Variants in IL34 observed in about 807,000 individuals in gnomAD.
IL34 encodes interleukin-34.
Under a neutral mutation model 25.3 loss-of-function variants are expected in IL34, and 17 were observed. The observed-to-expected ratio is 0.67, with a 90% confidence interval of 0.46 to 1.01. The LOEUF is 1.01. Among genes scored for constraint, IL34 ranks in the 50% least tolerant of loss-of-function variants. IL34 has a pLI of 0.00. For missense variants in IL34, 368 were observed against 312.9 expected, an observed-to-expected ratio of 1.18 and a Z score of -1.33; for synonymous variants, 174 against 140.9, an observed-to-expected ratio of 1.23 and a Z score of -1.66.
chr16:70,660,065 C>T lies in IL34; in HGVS notation c.607C>T (p.Pro203Ser), dbSNP rs1271052047. 5 of 1,613,568 alleles carry T rather than the reference C, an allele frequency of 3.1e-6. No homozygotes were observed. Among genetic ancestry groups the T allele is most frequent in the Non-Finnish European group, 4.2e-6 (5 of 1,179,846 alleles). ...VPSPQSCSPE[P>S]SLQYAATQLY... ...AAGTCCTCAGTCTTGCAGCCCAGAG[C>T]CCTCATTGCAGTATGCGGCCACCCA... The change falls in exon 6 of 6, where the codon CCC becomes TCC. Residue 203 changes from proline to serine, a missense_variant. Transcript: ENST00000288098.
At chr16:70,647,345 G>T (rs1329663633) in intron 1 of IL34, among the ~76,000 whole-genome samples, 3 of 152,194 alleles carry the variant, frequency 2.0e-5, no homozygotes, top group African/African-American at 7.2e-5. Context: ...GGGGGCAGGG[G>T]CTGGTGAAAG....
At chr16:70,632,630 G>T (rs922436586) in intron 1 of IL34, among the ~76,000 whole-genome samples, 1 of 152,166 alleles carries the variant, frequency 6.6e-6, no homozygotes, top group African/African-American at 2.4e-5. Flanking sequence ...GTGGGTCTCT[G>T]GGGTGGTGCT....
intron 1 of IL34, among the ~76,000 whole-genome samples, chr16:70,604,920 GTGTGTGTGTGCATGTC>G (rs541509982): frequency 0.01 from 1,586 of 152,168 alleles, 18 homozygotes; most frequent in Middle Eastern, 0.02. Context: ...GTGTGTGCAT[GTGTGTGTGTGCATGTC>G]TGTGTGTGTG....
At chr16:70,617,855 T>C (rs1265035175) in intron 1 of IL34, among the ~76,000 whole-genome samples, 33 of 151,642 alleles carry the variant, frequency 2.2e-4, no homozygotes, top group African/African-American at 7.8e-4. Flanking sequence ...AGGAATTATG[T>C]CTGACAGAAG....
chr16:70,644,862 G>GGAA (rs1567460822), upstream of IL34, among the ~76,000 whole-genome samples: 1 of 123,702 alleles, frequency 8.1e-6, no homozygotes, highest in African/African-American at 4.8e-5. Flanking sequence ...AGGAGGAAGA[G>GGAA]GAGGAAGTAG....
intron 1 of IL34, among the ~76,000 whole-genome samples, chr16:70,612,629 A>G (rs564809829): frequency 6.6e-6 from 1 of 152,374 alleles, no homozygotes; most frequent in African/African-American, 2.4e-5. Context: ...GTTAACCCAC[A>G]TCAATCTCTA....
At chr16:70,638,654 C>G (rs2051711801) in intron 1 of IL34, among the ~76,000 whole-genome samples, 1 of 152,082 alleles carries the variant, frequency 6.6e-6, no homozygotes, top group Admixed American at 6.6e-5. Flanking sequence ...GCTGGTCTTT[C>G]TGTGTCAGCC....
rs1281824176 is a variant in IL34, at chr16:70,660,394, A to AGGGGACCT, written c.*217_*224dup. On this transcript the variant is annotated 3_prime_UTR_variant, in exon 6 of 6. Transcript: ENST00000288098. Reference sequence around the variant, plus strand: ...GCTGTCATGGCCTCACCTGGAGCGGAGGGGACCTGGGGACCTGAAGGTGGA... The same window carrying AGGGGACCT: ...GCTGTCATGGCCTCACCTGGAGCGGAGGGGACCTGGGGACCTGGGGACCTGAAGGTGGA... The AGGGGACCT allele has an allele frequency of 9.8e-6, 5 of 510,570 alleles. No individual in the cohort carries two copies. The highest frequency in any genetic ancestry group is 1.7e-5 in the Non-Finnish European group (5 of 296,792). The allele number at this position is 510,570 out of a possible 1,614,324, so 31.6% of individuals were successfully genotyped here.
chr16:70,592,026 A>G (rs1482365593), intron 1 of IL34, among the ~76,000 whole-genome samples: 3 of 149,086 alleles, frequency 2.0e-5, no homozygotes, highest in African/African-American at 7.3e-5. Flanking sequence ...GGTCTCCTCC[A>G]GGGTTCCACA....
intron 1 of IL34, among the ~76,000 whole-genome samples, chr16:70,609,262 A>G (rs1278465753): frequency 6.6e-6 from 1 of 152,064 alleles, no homozygotes; most frequent in East Asian, 1.9e-4. Flanking sequence ...CATATTTAGT[A>G]GAGACGGGGT....
chr16:70,638,294 T>C (rs1458765674), intron 1 of IL34, among the ~76,000 whole-genome samples: 1 of 152,068 alleles, frequency 6.6e-6, no homozygotes. Flanking sequence ...CTGGGCAACT[T>C]AGCAAGACCT....
At chr16:70,643,118 A>G (rs563963970), upstream of IL34, among the ~76,000 whole-genome samples, 7 of 152,166 alleles carry the variant, frequency 4.6e-5, no homozygotes, top group Non-Finnish European at 8.8e-5. Flanking sequence ...GCTGGAGTGC[A>G]GTGGGACTAC....
At chr16:70,631,076 G>A (rs911070289) in intron 1 of IL34, among the ~76,000 whole-genome samples, 1 of 152,252 alleles carries the variant, frequency 6.6e-6, no homozygotes, top group Admixed American at 6.5e-5. Flanking sequence ...GGTTGAAACT[G>A]AAGATGCAAA....
intron 1 of IL34, among the ~76,000 whole-genome samples, chr16:70,591,976 G>A (rs1427776534): frequency 6.6e-6 from 1 of 151,984 alleles, no homozygotes; most frequent in Non-Finnish European, 1.5e-5. Context: ...CCTGGGTGGG[G>A]GCCCTGGTAG....
At chr16:70,623,870 G>T (rs1215046371) in intron 1 of IL34, among the ~76,000 whole-genome samples, 1 of 150,706 alleles carries the variant, frequency 6.6e-6, no homozygotes, top group East Asian at 1.9e-4. Context: ...TAGAAGCCTG[G>T]CCGTCAATAC....
intron 1 of IL34, among the ~76,000 whole-genome samples, chr16:70,611,023 G>C (rs1371957704): frequency 2.6e-5 from 4 of 152,102 alleles, no homozygotes; most frequent in African/African-American, 7.2e-5. Flanking sequence ...GCCCAGGCCG[G>C]AGCACAGTGG....
chr16:70,597,832 T>G (rs915778072), intron 1 of IL34, among the ~76,000 whole-genome samples: 32 of 152,138 alleles, frequency 2.1e-4, no homozygotes, highest in African/African-American at 7.5e-4. Flanking sequence ...GCCCAGGCCC[T>G]GGAGATGCAG....
chr16:70,599,718 A>G (rs1191484776), intron 1 of IL34, among the ~76,000 whole-genome samples: 1 of 142,062 alleles, frequency 7.0e-6, no homozygotes, highest in Admixed American at 7.4e-5. Context: ...TTTGTCGCCC[A>G]GGATAGAGTA....
At chr16:70,649,079 C>A (rs781624692) in intron 1 of IL34, among the ~76,000 whole-genome samples, 1 of 152,132 alleles carries the variant, frequency 6.6e-6, no homozygotes, top group Admixed American at 6.5e-5. Context: ...TTTAATAATG[C>A]CTGTAAGTGG....
Sources: gnomAD v4.1 joint callset for allele counts (sites outside exome capture counted in the v4.1 genomes callset) on GRCh38, gnomAD v4.1.1 for gene constraint, MANE v1.5 for transcripts, NCBI Gene and HGNC (gene_info 2026-07-23, HGNC 2026-07-21) for gene names.